The following CSMD1 variants were observed in gnomAD, a reference collection of about 807,000 sequenced individuals.
CSMD1 encodes the protein CUB and sushi domain-containing protein 1.
Under a neutral mutation model 417.5 loss-of-function variants are expected in CSMD1, and 213 were observed. That is an observed-to-expected ratio of 0.51 (90% CI 0.46 to 0.57). The LOEUF (loss-of-function observed/expected upper bound fraction) is 0.57, where lower values mean the gene tolerates loss of function less well. Ranked by LOEUF, CSMD1 falls within the 20% of genes least tolerant of loss-of-function variation. The pLI is 0.00. For synonymous variants in CSMD1, 2,862 were observed against 1,736.8 expected, an observed-to-expected ratio of 1.65 and a Z score of -16.11; for missense variants, 6,923 against 4,529.7, an observed-to-expected ratio of 1.53 and a Z score of -15.17.
chr8:3,534,349 C>T (rs1051497689), intron 10 of CSMD1, among the ~76,000 whole-genome samples: 1 of 152,086 alleles, frequency 6.6e-6, no homozygotes, highest in Admixed American at 6.6e-5. Context: ...ACACTCCTCT[C>T]AGTTCTCTTT....
intron 16 of CSMD1, among the ~76,000 whole-genome samples, chr8:3,398,563 G>C (rs553701041): frequency 1.6e-4 from 25 of 152,260 alleles, no homozygotes; most frequent in African/African-American, 6.0e-4. Context: ...TCTATCTTGA[G>C]ACACCATAAT....
At chr8:3,648,245 A>C (rs1797674295) in intron 7 of CSMD1, among the ~76,000 whole-genome samples, 1 of 152,322 alleles carries the variant, frequency 6.6e-6, no homozygotes, top group Admixed American at 6.5e-5. Context: ...TTACTTTGCT[A>C]TTCCCCAAAT....
At chr8:4,296,356 A>G (rs1039990673) in intron 3 of CSMD1, among the ~76,000 whole-genome samples, 17 of 152,320 alleles carry the variant, frequency 1.1e-4, no homozygotes, top group African/African-American at 2.9e-4. Context: ...AAACTCATGT[A>G]TATTTCAGGA....
At chr8:3,855,186 G>A (rs780026453) in intron 5 of CSMD1, among the ~76,000 whole-genome samples, 1 of 152,066 alleles carries the variant, frequency 6.6e-6, no homozygotes, top group African/African-American at 2.4e-5. Flanking sequence ...ATATAACAAA[G>A]ATGTATTATT....
chr8:4,761,836 C>CATCCATCTATCTATCT (rs1554472546), intron 1 of CSMD1, among the ~76,000 whole-genome samples: 9 of 119,142 alleles, frequency 7.6e-5, no homozygotes, highest in African/African-American at 1.8e-4. Flanking sequence ...TAGTACCATG[C>CATCCATCTATCTATCT]ATCTATCTAT....
chr8:4,468,757 C>G (rs1462795455), intron 2 of CSMD1, among the ~76,000 whole-genome samples: 1 of 152,176 alleles, frequency 6.6e-6, no homozygotes, highest in African/African-American at 2.4e-5. Context: ...GCTTCTATGT[C>G]TGAATCAGCT....
chr8:4,673,013 C>T (rs926516944), intron 1 of CSMD1, among the ~76,000 whole-genome samples: 3 of 151,742 alleles, frequency 2.0e-5, no homozygotes, highest in Non-Finnish European at 4.4e-5. Flanking sequence ...TACATGGTGA[C>T]ATGGCACACA....
chr8:4,075,887 T>A (rs1291098940), intron 3 of CSMD1, among the ~76,000 whole-genome samples: 1 of 152,164 alleles, frequency 6.6e-6, no homozygotes, highest in African/African-American at 2.4e-5. Context: ...GCCCAGAAAT[T>A]ATAATTGGAA....
chr8:4,405,742 C>T (rs936625032), intron 3 of CSMD1, among the ~76,000 whole-genome samples: 20 of 152,106 alleles, frequency 1.3e-4, no homozygotes, highest in Admixed American at 1.1e-3. Flanking sequence ...GTTAGTGCAC[C>T]ACCAGACACC....
At chr8:4,402,502 G>A (rs1407759855) in intron 3 of CSMD1, among the ~76,000 whole-genome samples, 2 of 152,096 alleles carry the variant, frequency 1.3e-5, no homozygotes, top group African/African-American at 4.8e-5. Context: ...CCTCTCCCAA[G>A]CATCCATATA....
intron 2 of CSMD1, among the ~76,000 whole-genome samples, chr8:4,507,007 G>A (rs1330484969): frequency 6.6e-6 from 1 of 152,048 alleles, no homozygotes; most frequent in Non-Finnish European, 1.5e-5. Context: ...TCCTAAGAAT[G>A]CTTTTCCAGG....
At chr8:4,008,741 G>T (rs769684565) in intron 4 of CSMD1, among the ~76,000 whole-genome samples, 1 of 151,028 alleles carries the variant, frequency 6.6e-6, no homozygotes, top group Non-Finnish European at 1.5e-5. Context: ...CTCCTGAGTA[G>T]CTGGGAATAC....
At chr8:3,803,911 G>C (rs1585023557) in intron 5 of CSMD1, among the ~76,000 whole-genome samples, 1 of 152,046 alleles carries the variant, frequency 6.6e-6, no homozygotes, top group South Asian at 2.1e-4. Context: ...AGGAGAGAAG[G>C]TTAAGAGACA....
intron 8 of CSMD1, among the ~76,000 whole-genome samples, chr8:3,606,973 G>T (rs1406233268): frequency 6.6e-6 from 1 of 152,112 alleles, no homozygotes; most frequent in Non-Finnish European, 1.5e-5. Context: ...GCCTCCCAAA[G>T]TGCTGGCATT....
At chr8:4,047,656 G>T (rs933780804) in intron 3 of CSMD1, among the ~76,000 whole-genome samples, 5 of 151,888 alleles carry the variant, frequency 3.3e-5, no homozygotes, top group African/African-American at 1.2e-4. Flanking sequence ...GAGTATATTT[G>T]GGGCATGCAG....
At chr8:3,037,500 G>C (rs536725239) in intron 50 of CSMD1, among the ~76,000 whole-genome samples, 1 of 152,132 alleles carries the variant, frequency 6.6e-6, no homozygotes, top group Admixed American at 6.5e-5. Context: ...CTCATTGGTT[G>C]ATGGGCACTG....
intron 2 of CSMD1, among the ~76,000 whole-genome samples, chr8:4,600,417 A>G (rs906350921): frequency 6.6e-5 from 10 of 152,200 alleles, no homozygotes; most frequent in Non-Finnish European, 1.2e-4. Context: ...ACAGATGGAT[A>G]TGTTCCTTAT....
intron 11 of CSMD1, among the ~76,000 whole-genome samples, chr8:3,475,390 A>G (rs1265130674): frequency 1.3e-5 from 2 of 152,144 alleles, no homozygotes; most frequent in Admixed American, 6.5e-5. Flanking sequence ...ATTAACCTAC[A>G]CTGTATTCAT....
At chr8:4,332,237 G>C (rs368266934) in intron 3 of CSMD1, among the ~76,000 whole-genome samples, 97 of 152,172 alleles carry the variant, frequency 6.4e-4, no homozygotes, top group African/African-American at 2.1e-3. Flanking sequence ...GCTAACGCTA[G>C]CCATTGCCAC....
Sources: allele counts gnomAD v4.1 joint callset (sites outside exome capture counted in the v4.1 genomes callset), GRCh38; gene constraint gnomAD v4.1.1; transcripts MANE v1.5; gene names NCBI Gene and HGNC (gene_info 2026-07-23, HGNC 2026-07-21).